EHMT1: variants seen among roughly 807,000 people sequenced by gnomAD.
EHMT1 encodes euchromatic histone lysine methyltransferase 1, also known as histone-lysine N-methyltransferase EHMT1.
In EHMT1, 15 loss-of-function variants were observed where a neutral mutation model predicts 147.2. That is an observed-to-expected ratio of 0.10 (90% CI 0.07 to 0.16). EHMT1 has a LOEUF of 0.16. EHMT1 is among the 10% of genes least tolerant of loss of function. The pLI is 1.00. For missense variants in EHMT1, 1,587 were observed against 1,772.4 expected (o/e 0.90, Z 1.88); for synonymous variants, 795 against 709.6 (o/e 1.12, Z -1.91).
intron 3 of EHMT1, among the ~76,000 whole-genome samples, chr9:137,717,900 C>T (rs1326388550): frequency 6.6e-6 from 1 of 152,206 alleles, no homozygotes; most frequent in Non-Finnish European, 1.5e-5. Context: ...GGGCAAAGGG[C>T]CACCTGGAGA....
At chr9:137,821,119 G>T (rs1955381373) in intron 25 of EHMT1, among the ~76,000 whole-genome samples, 1 of 152,120 alleles carries the variant, frequency 6.6e-6, no homozygotes, top group Non-Finnish European at 1.5e-5. Context: ...ATCGTAATCT[G>T]CCTGCCTTGG....
intron 1 of EHMT1, among the ~76,000 whole-genome samples, chr9:137,703,514 A>G (rs1016843757): frequency 2.0e-5 from 3 of 152,172 alleles, no homozygotes; most frequent in Admixed American, 6.5e-5. Flanking sequence ...CTTCCACCAC[A>G]TACCCTAAAT....
chr9:137,741,234 G>A (rs752525590), intron 4 of EHMT1, among the ~76,000 whole-genome samples: 8 of 151,830 alleles, frequency 5.3e-5, no homozygotes, highest in African/African-American at 1.5e-4. Context: ...CCTCGGCCTC[G>A]CAAAGTGCTG....
At chr9:137,720,582 C>G (rs1353190997) in intron 3 of EHMT1, among the ~76,000 whole-genome samples, 1 of 152,170 alleles carries the variant, frequency 6.6e-6, no homozygotes, top group African/African-American at 2.4e-5. Context: ...GGATTATGGG[C>G]ATGATCCAAC....
chr9:137,717,954 C>T (rs1019513524), intron 3 of EHMT1, among the ~76,000 whole-genome samples: 2 of 152,224 alleles, frequency 1.3e-5, no homozygotes, highest in Non-Finnish European at 2.9e-5. Context: ...TGGGCTCAGC[C>T]GTACCTTGAG....
In EHMT1 at chr9:137,776,922, T is replaced by C; in HGVS notation, c.2018+78T>C. On this transcript the variant is annotated intron_variant, in intron 12 of 26. Coordinates refer to ENST00000460843, the MANE Select transcript of EHMT1 (RefSeq NM_024757.5). The surrounding 1 kb of genome is among the most constrained non-coding windows in gnomAD (Gnocchi z 4.4). ...TCAGTTGTTAACTCAACGTTATTGC[T>C]TCCTGCTGTTTTTTCCAGAAGTCTC... 7.4e-7 allele frequency: 1 copy of C among 1,353,306 alleles called. No individual in the cohort carries two copies. Among genetic ancestry groups the C allele is most frequent in the Non-Finnish European group, 1.0e-6 (1 of 968,422 alleles). The allele number at this position is 1,353,306 out of a possible 1,614,324, so 83.8% of individuals were successfully genotyped here.
chr9:137,632,141 G>A (rs531716755), intron 1 of EHMT1, among the ~76,000 whole-genome samples: 5 of 152,306 alleles, frequency 3.3e-5, no homozygotes, highest in South Asian at 4.1e-4. Context: ...ACCTGATGAC[G>A]CATATCTCCG....
Position 137,782,979 on chromosome 9 carries a change from C to T in EHMT1, c.2382+582C>T, listed in dbSNP as rs567923709. Reference sequence around the variant, plus strand: ...CTTCCCTGATCCCGGTGTTGGATCCCCTGTTTCTCAAGTGCCAGGTTTGAG... The same window carrying T: ...CTTCCCTGATCCCGGTGTTGGATCCTCTGTTTCTCAAGTGCCAGGTTTGAG... On this transcript the variant is annotated intron_variant, in intron 15 of 26. Coordinates refer to ENST00000460843, the MANE Select transcript of EHMT1 (RefSeq NM_024757.5). This position sits in a 1 kb window ranked among gnomAD's most constrained non-coding sequence, Gnocchi z 5.7. Among the ~76,000 whole-genome samples, 25 of 152,298 alleles carry T rather than the reference C, an allele frequency of 1.6e-4. No individual in the cohort carries two copies. Among genetic ancestry groups the T allele is most frequent in the Admixed American group, 1.5e-3 (23 of 15,304 alleles).
intron 1 of EHMT1, among the ~76,000 whole-genome samples, chr9:137,647,886 C>T (rs369113272): frequency 1.3e-5 from 2 of 152,120 alleles, no homozygotes; most frequent in African/African-American, 2.4e-5. Flanking sequence ...CGTGAGCCAC[C>T]GCGCCCGGCC....
At position 137,811,719 on chromosome 9, in the gene EHMT1, A is replaced by G. The variant is rs901246751; in HGVS notation, c.2867+104A>G. Reference sequence around the variant, plus strand: ...GTTCACACTTGGGGCGTGAGTGGACACAGGCCCTCTGTTCCTTCGTGTGGA... The same window carrying G: ...GTTCACACTTGGGGCGTGAGTGGACGCAGGCCCTCTGTTCCTTCGTGTGGA... On this transcript the variant is annotated intron_variant, in intron 19 of 26. Transcript: ENST00000460843. 33 of 1,456,072 alleles carry G rather than the reference A, an allele frequency of 2.3e-5. No individual in the cohort carries two copies. In the African/African-American group the frequency reaches 4.3e-4, roughly 19 times the overall value. The allele number at this position is 1,456,072 out of a possible 1,614,324, so 90.2% of individuals were successfully genotyped here.
intron 3 of EHMT1, among the ~76,000 whole-genome samples, chr9:137,726,335 G>A (rs983214648): frequency 5.9e-5 from 9 of 152,154 alleles, no homozygotes; most frequent in African/African-American, 1.7e-4. Context: ...TCAGTTGGAC[G>A]ACTCTAGGGA....
At chr9:137,692,105 A>G (rs1238866705) in intron 1 of EHMT1, among the ~76,000 whole-genome samples, 5 of 152,204 alleles carry the variant, frequency 3.3e-5, no homozygotes, top group Non-Finnish European at 5.9e-5. Context: ...TGAGAATCAT[A>G]CACAACACCA....
At chr9:137,722,147 C>T (rs1235750551) in intron 3 of EHMT1, among the ~76,000 whole-genome samples, 4 of 152,192 alleles carry the variant, frequency 2.6e-5, no homozygotes, top group Non-Finnish European at 5.9e-5. Context: ...TCATTCGTCT[C>T]TCTGAAGTTA....
At chr9:137,694,898 G>A (rs1250570709) in intron 1 of EHMT1, among the ~76,000 whole-genome samples, 3 of 152,212 alleles carry the variant, frequency 2.0e-5, no homozygotes, top group Admixed American at 6.5e-5. Flanking sequence ...GGAGATGGTA[G>A]ATAAACTAGA....
At chr9:137,760,860 T>G (rs923998485) in intron 9 of EHMT1, among the ~76,000 whole-genome samples, 1 of 152,066 alleles carries the variant, frequency 6.6e-6, no homozygotes, top group Non-Finnish European at 1.5e-5. Context: ...TACAAAAAAT[T>G]AGCCAGGCGT....
chr9:137,823,610 G>A (rs55830670), intron 25 of EHMT1: 22,414 of 206,994 alleles, frequency 0.11, 5,411 homozygotes, highest in African/African-American at 0.51. Flanking sequence ...ACGGGGTTTC[G>A]CCGTGTTAGC....
intron 10 of EHMT1, among the ~76,000 whole-genome samples, chr9:137,769,419 G>T (rs1483016428): frequency 1.3e-5 from 2 of 152,120 alleles, no homozygotes; most frequent in Admixed American, 6.5e-5. Flanking sequence ...GTAGCACAAG[G>T]CTGCTGATAA....
chr9:137,795,693 A>G (rs1952885584), intron 16 of EHMT1, among the ~76,000 whole-genome samples: 2 of 152,160 alleles, frequency 1.3e-5, no homozygotes, highest in South Asian at 4.1e-4. Flanking sequence ...AAACGATCCT[A>G]TTGACGACCT....
At chr9:137,740,632 C>G (rs1313412296) in intron 4 of EHMT1, among the ~76,000 whole-genome samples, 7 of 151,894 alleles carry the variant, frequency 4.6e-5, no homozygotes, top group African/African-American at 1.2e-4. Context: ...TTAATAGATT[C>G]TACATTTCTG....
Sources: allele counts gnomAD v4.1 joint callset (sites outside exome capture counted in the v4.1 genomes callset), GRCh38; gene constraint gnomAD v4.1.1; non-coding constraint Gnocchi (gnomAD v3.1); transcripts MANE v1.5; gene names NCBI Gene and HGNC (gene_info 2026-07-23, HGNC 2026-07-21).